Variants in PDCL3 observed in about 807,000 individuals in gnomAD.
The protein encoded by PDCL3 is phosducin-like protein 3.
In PDCL3, 22 loss-of-function variants were observed where a neutral mutation model predicts 26.5. That is an observed-to-expected ratio of 0.83 (90% CI 0.59 to 1.19). The LOEUF is 1.19. PDCL3 is among the 50% of genes most tolerant of loss of function. PDCL3 has a pLI of 0.00. For missense variants in PDCL3, 246 were observed against 294.1 expected (o/e 0.84, Z 1.20); for synonymous variants, 81 against 104.9 (o/e 0.77, Z 1.39).
At chr2:100,572,043 G>T (rs1320743527) in intron 5 of PDCL3, 1 of 484,118 alleles carries the variant, frequency 2.1e-6, no homozygotes, top group African/African-American at 1.9e-5. Flanking sequence ...TTTTTATATT[G>T]GTGTGGAATA....
intron 4 of PDCL3, 88 bp downstream of exon 4, chr2:100,569,809 G>T (rs1399338466): frequency 1.3e-6 from 2 of 1,495,070 alleles, no homozygotes; most frequent in South Asian, 1.4e-5. Context: ...AGAGGGTTAA[G>T]AAATTTTTTT....
intron 4 of PDCL3, among the ~76,000 whole-genome samples, chr2:100,570,817 A>G (rs1487136768): frequency 6.6e-6 from 1 of 152,130 alleles, no homozygotes; most frequent in Non-Finnish European, 1.5e-5. Context: ...GACATTTCAT[A>G]CTTTCTAAAC....
chr2:100,569,623 A>G lies in PDCL3; in HGVS notation c.270A>G (p.Lys90=). The change falls in exon 4 of 6, where the codon AAA becomes AAG. Residue 90 remains lysine (K), a synonymous_variant. Coordinates refer to ENST00000264254, the MANE Select transcript of PDCL3 (RefSeq NM_024065.5). Reference sequence around the variant, plus strand: ...GGAAAGCAACTAAACTGAAGAATAAATTCGGAGAAGTTTTGGAGATCTCAG... The same window carrying G: ...GGAAAGCAACTAAACTGAAGAATAAGTTCGGAGAAGTTTTGGAGATCTCAG... ...AEWKATKLKN[K]FGEVLEISGK... 1.2e-6 allele frequency: 2 copies of G among 1,613,968 alleles called. No homozygotes were observed. The highest frequency in any genetic ancestry group is 1.7e-6 in the Non-Finnish European group (2 of 1,179,934).
intron 4 of PDCL3, among the ~76,000 whole-genome samples, chr2:100,571,087 G>T (rs1675158378): frequency 7.0e-6 from 1 of 142,150 alleles, no homozygotes; most frequent in Non-Finnish European, 1.5e-5. Context: ...AGAGCAGCCT[G>T]GGCAACGTGG....
chr2:100,572,839 ATT>A (rs566916095), intron 5 of PDCL3, among the ~76,000 whole-genome samples: 218 of 151,910 alleles, frequency 1.4e-3, no homozygotes, highest in African/African-American at 4.8e-3. Context: ...TTAAATTAAA[ATT>A]TTATTTAATT....
chr2:100,567,396 T>G (rs1675077565), intron 2 of PDCL3, among the ~76,000 whole-genome samples: 1 of 152,076 alleles, frequency 6.6e-6, no homozygotes, highest in South Asian at 2.1e-4. Context: ...GAACCAACAT[T>G]CAAGTGGGGG....
chr2:100,571,844 C>T (rs1675181901), intron 5 of PDCL3, 46 bp downstream of exon 5: 11 of 1,578,126 alleles, frequency 7.0e-6, no homozygotes, highest in African/African-American at 1.3e-5. Flanking sequence ...ATGGGAGGCG[C>T]ATTTCTGTTG....
chr2:100,575,415 ATGT>A (rs1558699779), intron 5 of PDCL3, among the ~76,000 whole-genome samples: 76 of 151,984 alleles, frequency 5.0e-4, no homozygotes, highest in Admixed American at 2.6e-3. Context: ...GATTACAGGC[ATGT>A]GCCACCGCGC....
rs201116072 is a variant in PDCL3, at chr2:100,567,823, C to CT, written c.134-1102dup. ...TTTAAACAGAAGAGTGACATTTTCT[C>CT]TTTTTTGTTTTTTTTTTGAGATGGA... On this transcript the variant is annotated intron_variant, in intron 2 of 5. Transcript: ENST00000264254. Among the ~76,000 whole-genome samples the CT allele has an allele frequency of 5.2e-3, 757 of 146,502 alleles. 16 individuals carry two copies. Among genetic ancestry groups the CT allele is most frequent in the African/African-American group, 0.014 (534 of 39,408 alleles).
intron 4 of PDCL3, among the ~76,000 whole-genome samples, chr2:100,571,132 A>AT (rs11434748): frequency 7.4e-6 from 1 of 135,082 alleles, no homozygotes; most frequent in Non-Finnish European, 1.5e-5. Context: ...AAAAAAAAAA[A>AT]TCAGCTGGGC....
intron 2 of PDCL3, among the ~76,000 whole-genome samples, chr2:100,568,366 G>A (rs1573279828): frequency 8.2e-6 from 1 of 122,068 alleles, no homozygotes; most frequent in South Asian, 3.3e-4. Context: ...ACAGTAGGGC[G>A]GCTGGCTCAC....
chr2:100,566,638 A>G lies in PDCL3; in HGVS notation c.133+9A>G. 6.2e-7 allele frequency: 1 copy of G among 1,613,472 alleles called. No individual in the cohort carries two copies. The highest frequency in any genetic ancestry group is 8.5e-7 in the Non-Finnish European group (1 of 1,179,696). Reference sequence around the variant, plus strand: ...CCTCCAGCAGTCAGTGGGTGAGTTCACTCGCTTTCCTCTGCACCTGTCTGG... The same window carrying G: ...CCTCCAGCAGTCAGTGGGTGAGTTCGCTCGCTTTCCTCTGCACCTGTCTGG... On this transcript the variant is annotated intron_variant, in intron 2 of 5. Coordinates refer to ENST00000264254, the MANE Select transcript of PDCL3 (RefSeq NM_024065.5).
chr2:100,575,566 GCAAAT>G lies in PDCL3; in HGVS notation c.578-787_578-783del, dbSNP rs1675271768. Reference sequence around the variant, plus strand: ...CTGCCTGGGCTCTTCTCTGAAGTAGGCAAATACATCACTTGATTTTGCTTCACTTG... The same window carrying G: ...CTGCCTGGGCTCTTCTCTGAAGTAGGACATCACTTGATTTTGCTTCACTTG... On this transcript the variant is annotated intron_variant, in intron 5 of 5. Coordinates refer to ENST00000264254, the MANE Select transcript of PDCL3 (RefSeq NM_024065.5). Among the ~76,000 whole-genome samples the G allele has an allele frequency of 2.0e-5, 3 of 152,296 alleles. No individual in the cohort carries two copies. The South Asian group carries it at 6.2e-4, about 32-fold the overall frequency.
intron 5 of PDCL3, 128 bp downstream of exon 5, chr2:100,571,926 G>A (rs772241529): frequency 6.1e-5 from 22 of 359,282 alleles, no homozygotes; most frequent in East Asian, 4.8e-4. Context: ...GTATGAGGAC[G>A]GAAGCACGTT....
In PDCL3 at chr2:100,571,764, T is replaced by A. The variant is rs770058159; in HGVS notation, c.543T>A (p.Pro181=). ...ATATCAAGGCTCAGTTTATTGGTCC[T>A]CTGGTGTTTGGCGGCATGAACCTGA... ...EGDIKAQFIG[P]LVFGGMNLTR... is the part of the protein sequence containing the mutation. Residue 181 remains proline (P), a synonymous_variant, in exon 5 of 6, where the codon CCT becomes CCA. Transcript: ENST00000264254. 4 of 1,614,130 alleles carry A rather than the reference T, an allele frequency of 2.5e-6. No individual in the cohort carries two copies. The highest frequency in any genetic ancestry group is 1.7e-5 in the Admixed American group (1 of 60,018).
rs754462061 is a variant in PDCL3 at position 100,571,797 on chromosome 2, T to G, written c.576T>G (p.Asp192Glu). 3.1e-6 allele frequency: 5 copies of G among 1,614,026 alleles called. No homozygotes were observed. In the South Asian group the frequency reaches 5.5e-5, roughly 18 times the overall value. ...TTGGCGGCATGAACCTGACAAGAGATGGTAAGGGCTCTGGGAGACAGGCGG... is the reference window on the plus strand; with the variant it reads ...TTGGCGGCATGAACCTGACAAGAGAGGGTAAGGGCTCTGGGAGACAGGCGG... Reference protein sequence around the residue: ...LVFGGMNLTRDELEWKLSESG... With the variant: ...LVFGGMNLTREELEWKLSESG... Residue 192 changes from aspartate to glutamate, a missense_variant and splice_region_variant, in exon 5 of 6, where the codon GAT becomes GAG. By Grantham distance (45) the Asp-to-Glu change is conservative. Transcript: ENST00000264254.
chr2:100,569,601 A>G lies in PDCL3; in HGVS notation c.248A>G (p.Lys83Arg), dbSNP rs1675127453. 6.2e-7 allele frequency: 1 copy of G among 1,613,410 alleles called. No individual in the cohort carries two copies. The highest frequency in any genetic ancestry group is 1.3e-5 in the African/African-American group (1 of 74,880). Residue 83 changes from lysine (K) to arginine (R), a missense_variant, in exon 4 of 6, where the codon AAA becomes AGA. Transcript: ENST00000264254. Reference protein sequence around the residue: ...MYRRRRLAEWKATKLKNKFGE... With the variant: ...MYRRRRLAEWRATKLKNKFGE... ...AGACGGCGGAGACTGGCTGAGTGGA[A>G]AGCAACTAAACTGAAGAATAAATTC...
At chr2:100,563,935 C>T (rs1675008677) in intron 1 of PDCL3, among the ~76,000 whole-genome samples, 1 of 149,664 alleles carries the variant, frequency 6.7e-6, no homozygotes, top group South Asian at 2.1e-4. Flanking sequence ...TTTTTGAGAC[C>T]GGGTCTTGCT....
At chr2:100,566,476 A>C (rs769009451) in intron 1 of PDCL3, 27 bp from the exon 2 acceptor site, 11 of 1,610,926 alleles carry the variant, frequency 6.8e-6, no homozygotes, top group Non-Finnish European at 9.3e-6. Context: ...CTTAGCACTC[A>C]TGGTAACCTT....
Sources: gnomAD v4.1 joint callset for allele counts (sites outside exome capture counted in the v4.1 genomes callset) on GRCh38, gnomAD v4.1.1 for gene constraint, MANE v1.5 for transcripts, NCBI Gene and HGNC (gene_info 2026-07-23, HGNC 2026-07-21) for gene names.